JAKMIP2: variants seen among roughly 807,000 people sequenced by gnomAD.
JAKMIP2 encodes the protein janus kinase and microtubule interacting protein 2, also known as janus kinase and microtubule-interacting protein 2.
JAKMIP2 carries 25 observed loss-of-function variants against 115.0 expected under a neutral mutation model. That is an observed-to-expected ratio of 0.22 (90% confidence interval 0.16 to 0.30). JAKMIP2 has a LOEUF of 0.30. Ranked by LOEUF, JAKMIP2 falls within the 10% of genes least tolerant of loss-of-function variation. The pLI is 1.00. For missense variants in JAKMIP2, 642 were observed against 957.6 expected (o/e 0.67, Z 4.35); for synonymous variants, 334 against 343.6 (o/e 0.97, Z 0.31).
intron 1 of JAKMIP2, among the ~76,000 whole-genome samples, chr5:147,702,191 C>T (rs1320162548): frequency 6.6e-6 from 1 of 151,764 alleles, no homozygotes; most frequent in Non-Finnish European, 1.5e-5. Flanking sequence ...TTAATCTGAA[C>T]CTGCTAGTGG....
intron 1 of JAKMIP2, among the ~76,000 whole-genome samples, chr5:147,748,230 T>C (rs1028475050): frequency 6.6e-6 from 1 of 152,164 alleles, no homozygotes; most frequent in African/African-American, 2.4e-5. Flanking sequence ...ATAATGATAA[T>C]ACAGCTAATA....
chr5:147,711,615 A>ATCTCAT (rs1336980463), intron 1 of JAKMIP2, among the ~76,000 whole-genome samples: 4 of 152,286 alleles, frequency 2.6e-5, no homozygotes, highest in Middle Eastern at 6.8e-3. Context: ...TGGGTCTTTG[A>ATCTCAT]GGAGATTAAA....
chr5:147,750,137 C>A (rs1754494528), intron 1 of JAKMIP2, among the ~76,000 whole-genome samples: 1 of 152,166 alleles, frequency 6.6e-6, no homozygotes, highest in African/African-American at 2.4e-5. Context: ...AATTACACGT[C>A]TAGATCTAAT....
intron 1 of JAKMIP2, among the ~76,000 whole-genome samples, chr5:147,692,314 C>T (rs1372664040): frequency 1.3e-5 from 2 of 152,104 alleles, no homozygotes; most frequent in Non-Finnish European, 2.9e-5. Context: ...CTTAGAGCTC[C>T]GGAAAGAACC....
At chr5:147,673,835 ATC>A (rs1239049820) in intron 1 of JAKMIP2, among the ~76,000 whole-genome samples, 2 of 146,782 alleles carry the variant, frequency 1.4e-5, no homozygotes, top group Non-Finnish European at 3.0e-5. Context: ...ATATATATAT[ATC>A]TATCTAACAG....
intron 1 of JAKMIP2, among the ~76,000 whole-genome samples, chr5:147,750,041 G>C (rs1754491818): frequency 1.3e-5 from 2 of 152,256 alleles, no homozygotes; most frequent in South Asian, 4.1e-4. Context: ...CTCATACATG[G>C]TTAGCACTCA....
chr5:147,636,484 T>A (rs549738293), intron 11 of JAKMIP2, 200 bp from the exon 12 acceptor site: 667 of 600,146 alleles, frequency 1.1e-3, no homozygotes, highest in Non-Finnish European at 1.7e-3. Context: ...CCCCTTTTCA[T>A]CATCACTCCC....
chr5:147,734,213 G>A (rs561578505), intron 1 of JAKMIP2, among the ~76,000 whole-genome samples: 29 of 152,136 alleles, frequency 1.9e-4, no homozygotes, highest in African/African-American at 5.5e-4. Flanking sequence ...AGATACCATC[G>A]CATGTCAGTT....
intron 1 of JAKMIP2, 66 bp from the exon 2 acceptor site, chr5:147,672,020 A>G: frequency 8.8e-7 from 1 of 1,139,936 alleles, no homozygotes; most frequent in Non-Finnish European, 1.1e-6. Context: ...CAGTCAGTCT[A>G]CTCTCAGCCT....
chr5:147,723,387 A>T (rs1753393113), intron 1 of JAKMIP2, among the ~76,000 whole-genome samples: 1 of 152,154 alleles, frequency 6.6e-6, no homozygotes, highest in Non-Finnish European at 1.5e-5. Context: ...TTTTTCAAAG[A>T]GAATGGGGGG....
At chr5:147,678,534 A>G (rs1253151093) in intron 1 of JAKMIP2, among the ~76,000 whole-genome samples, 1 of 152,186 alleles carries the variant, frequency 6.6e-6, no homozygotes, top group African/African-American at 2.4e-5. Flanking sequence ...TTGGTGATGG[A>G]TACTGAGGTT....
At chr5:147,760,477 T>C (rs968185625) in intron 1 of JAKMIP2, among the ~76,000 whole-genome samples, 42 of 150,544 alleles carry the variant, frequency 2.8e-4, no homozygotes, top group African/African-American at 1.0e-3. Context: ...AAGAAAAGTG[T>C]GGTCAACAGT....
chr5:147,625,972 C>T (rs746872173), intron 16 of JAKMIP2, among the ~76,000 whole-genome samples: 3 of 152,178 alleles, frequency 2.0e-5, no homozygotes, highest in Non-Finnish European at 4.4e-5. Context: ...AATATGTTCT[C>T]ACTCAAGGTC....
intron 17 of JAKMIP2, among the ~76,000 whole-genome samples, chr5:147,621,854 T>C (rs949896823): frequency 2.6e-5 from 4 of 152,220 alleles, no homozygotes; most frequent in African/African-American, 2.4e-5. Flanking sequence ...ACATTAATCA[T>C]AATCTTGTTA....
chr5:147,782,312 C>T, intron 1 of JAKMIP2, 144 bp downstream of exon 1: 1 of 804,788 alleles, frequency 1.2e-6, no homozygotes, highest in Non-Finnish European at 2.1e-6. Context: ...GCTTCCTCTC[C>T]CTCCATCCTC....
intron 2 of JAKMIP2, among the ~76,000 whole-genome samples, chr5:147,663,375 A>T (rs1440009712): frequency 1.3e-5 from 2 of 152,184 alleles, no homozygotes; most frequent in Non-Finnish European, 2.9e-5. Flanking sequence ...CAGGGAGAAG[A>T]AGGTGAAAAG....
Position 147,782,667 on chromosome 5 carries a change from A to G in JAKMIP2, c.-360T>C, listed in dbSNP as rs1000063922. On this transcript the variant is annotated 5_prime_UTR_variant, in exon 1 of 22. Transcript: ENST00000616793. The stretch of plus-strand genomic sequence containing the variant: ...CAGCAATAGAGGCGGCGGCGGCGGC[A>G]GCAGCAGCAGCAGCAGCATCACCAG... The G allele has an allele frequency of 1.7e-4, 97 of 561,230 alleles. No individual in the cohort carries two copies. The highest frequency in any genetic ancestry group is 1.1e-3 in the African/African-American group (58 of 51,686). 34.8% of individuals were successfully genotyped at this position (561,230 alleles called of 1,614,324 possible).
At chr5:147,738,072 C>A (rs1172382562) in intron 1 of JAKMIP2, among the ~76,000 whole-genome samples, 4 of 152,072 alleles carry the variant, frequency 2.6e-5, no homozygotes, top group Admixed American at 2.0e-4. Context: ...TGAGAGACAG[C>A]TACTCTTAAG....
At chr5:147,715,341 C>A (rs1222261057) in intron 1 of JAKMIP2, among the ~76,000 whole-genome samples, 1 of 151,218 alleles carries the variant, frequency 6.6e-6, no homozygotes. Context: ...ATGAAATATA[C>A]CAATTAAAAG....
Sources: gnomAD v4.1 joint callset for allele counts (sites outside exome capture counted in the v4.1 genomes callset) on GRCh38, gnomAD v4.1.1 for gene constraint, MANE v1.5 for transcripts, NCBI Gene and HGNC (gene_info 2026-07-23, HGNC 2026-07-21) for gene names.